Variants in LRRK1 observed in about 807,000 individuals in gnomAD.
The protein encoded by LRRK1 is leucine-rich repeat serine/threonine-protein kinase 1.
In LRRK1, 113 loss-of-function variants were observed where a neutral mutation model predicts 209.1. The observed-to-expected ratio is 0.54, with a 90% CI of 0.46 to 0.63. The LOEUF (loss-of-function observed/expected upper bound fraction) is 0.63, where lower values mean the gene tolerates loss of function less well. Ranked by LOEUF, LRRK1 falls within the 30% of genes least tolerant of loss-of-function variation. The pLI is 0.00. For synonymous variants in LRRK1, 1,144 were observed against 1,099.7 expected (o/e 1.04, Z -0.80); for missense variants, 2,284 against 2,632.2 (o/e 0.87, Z 2.89).
chr15:101,027,598 T>C lies in LRRK1; in HGVS notation c.2527-40T>C. 18 of 1,596,882 alleles carry C rather than the reference T, an allele frequency of 1.1e-5. No homozygotes were observed. Among genetic ancestry groups the C allele is most frequent in the Non-Finnish European group, 1.4e-5 (17 of 1,173,070 alleles). ...TCTGCCCAAGCTGGCAGGTGTGCCT[T>C]GGGACCTGAGAGACCCTGCCTCGCC... On this transcript the variant is annotated intron_variant, in intron 18 of 33. Transcript: ENST00000388948. This position sits in a 1 kb window ranked among gnomAD's most constrained non-coding sequence, Gnocchi z 5.1.
chr15:100,985,341 CCTAATGTTAG>C (rs1360757234), intron 4 of LRRK1, among the ~76,000 whole-genome samples: 1 of 152,166 alleles, frequency 6.6e-6, no homozygotes, highest in African/African-American at 2.4e-5. Flanking sequence ...GACTCCGTCA[CCTAATGTTAG>C]CTAATATTTA....
intron 2 of LRRK1, among the ~76,000 whole-genome samples, chr15:100,936,217 T>G (rs982934024): frequency 1.1e-4 from 16 of 152,236 alleles, no homozygotes; most frequent in African/African-American, 3.9e-4. Flanking sequence ...GAAAATATTT[T>G]AAGAAGTCAA....
intron 6 of LRRK1, among the ~76,000 whole-genome samples, chr15:101,002,233 A>G (rs2032729335): frequency 6.6e-6 from 1 of 152,362 alleles, no homozygotes; most frequent in East Asian, 1.9e-4. Context: ...GAAGGTGTCT[A>G]GCACCCTCCT....
chr15:101,035,667 T>C (rs529039911), intron 20 of LRRK1, among the ~76,000 whole-genome samples: 216 of 152,300 alleles, frequency 1.4e-3, no homozygotes, highest in African/African-American at 5.0e-3. Flanking sequence ...TATTAATATG[T>C]GAGGTTTTGT....
rs910829045 is a variant in LRRK1, at chr15:101,072,070, G to C, written c.*3222G>C. On this transcript the variant is annotated 3_prime_UTR_variant, in exon 34 of 34. Coordinates refer to ENST00000388948, the MANE Select transcript of LRRK1 (RefSeq NM_024652.6). ...CCGCGGAAGCTCCTGGCAGTTTTAA[G>C]CAGGATTATTAGATGATTCAGTCAA... 2 of 152,192 alleles carry C rather than the reference G, an allele frequency of 1.3e-5. No individual in the cohort carries two copies. The highest frequency in any genetic ancestry group is 4.8e-5 in the African/African-American group (2 of 41,448). The allele number at this position is 152,192 out of a possible 1,614,324, so 9.4% of individuals were successfully genotyped here. A position where few individuals can be genotyped will look rare whatever the true frequency, so the allele number is the denominator to read the frequency against.
intron 2 of LRRK1, among the ~76,000 whole-genome samples, chr15:100,970,938 C>T (rs766322354): frequency 2.0e-5 from 3 of 152,124 alleles, no homozygotes; most frequent in Admixed American, 6.5e-5. Flanking sequence ...TTTATACTAT[C>T]ATAAACTATT....
rs142795183 is a variant in LRRK1 at position 101,024,517 on chromosome 15, A to T, written c.2068-286A>T. ...TCCTCCCACAGGGCATCCCCTACCC[A>T]TCTGCAGCCCAGACAGAGCCAGGCC... On this transcript the variant is annotated intron_variant, in intron 15 of 33. Coordinates refer to ENST00000388948, the MANE Select transcript of LRRK1 (RefSeq NM_024652.6). The surrounding 1 kb of genome is among the most constrained non-coding windows in gnomAD (Gnocchi z 4.6). 6.6e-6 allele frequency among the ~76,000 whole-genome samples: 1 copy of T among 152,200 alleles called. No individual in the cohort carries two copies. Among genetic ancestry groups the T allele is most frequent in the East Asian group, 1.9e-4 (1 of 5,168 alleles).
intron 19 of LRRK1, 142 bp from the exon 20 acceptor site, chr15:101,028,814 C>T: frequency 1.1e-6 from 1 of 935,492 alleles, no homozygotes; most frequent in Admixed American, 2.3e-5. Flanking sequence ...GCCAGCCCAC[C>T]TGAAGGGTCC....
At chr15:101,041,775 C>T (rs1037070476) in intron 20 of LRRK1, among the ~76,000 whole-genome samples, 8 of 152,122 alleles carry the variant, frequency 5.3e-5, no homozygotes, top group African/African-American at 1.9e-4. Flanking sequence ...AGTATTGAGC[C>T]CTACATATAC....
chr15:100,974,598 C>T (rs78864902), intron 3 of LRRK1, among the ~76,000 whole-genome samples: 5,346 of 152,234 alleles, frequency 0.035, 321 homozygotes, highest in African/African-American at 0.12. Flanking sequence ...CTAGAGGGAC[C>T]GTGTCTACCT....
intron 2 of LRRK1, among the ~76,000 whole-genome samples, chr15:100,954,939 G>A (rs993400750): frequency 6.6e-6 from 1 of 152,200 alleles, no homozygotes; most frequent in Non-Finnish European, 1.5e-5. Context: ...ATCAGGAAGT[G>A]TGATGCTTCT....
intron 20 of LRRK1, 95 bp from the exon 21 acceptor site, chr15:101,045,886 A>C (rs1329903548): frequency 8.4e-6 from 9 of 1,066,974 alleles, no homozygotes; most frequent in Non-Finnish European, 1.1e-5. Context: ...GTGTTCCAGC[A>C]CAGCCTGTCC....
chr15:100,963,993 C>G (rs2030280684), intron 2 of LRRK1, among the ~76,000 whole-genome samples: 1 of 152,178 alleles, frequency 6.6e-6, no homozygotes, highest in African/African-American at 2.4e-5. Context: ...ATCCATCTCC[C>G]TCTTATTAAC....
Position 101,072,401 on chromosome 15 carries a change from G to A in LRRK1, c.*3553G>A, listed in dbSNP as rs2036837805. 1 of 152,230 alleles carries A rather than the reference G, an allele frequency of 6.6e-6. No homozygotes were observed. Among genetic ancestry groups the A allele is most frequent in the African/African-American group, 2.4e-5 (1 of 41,452 alleles). The allele number at this position is 152,230 out of a possible 1,614,324, so 9.4% of individuals were successfully genotyped here. ...GTGCCATCCTCTGCAGCCTGTCAAA[G>A]AGGCAGGCAGCACTAACTGCTGGAC... is the stretch of plus-strand genomic sequence containing the variant. On this transcript the variant is annotated 3_prime_UTR_variant, in exon 34 of 34. Transcript: ENST00000388948.
chr15:100,931,000 A>T (rs1311952955), intron 2 of LRRK1, among the ~76,000 whole-genome samples: 1 of 152,222 alleles, frequency 6.6e-6, no homozygotes, highest in Non-Finnish European at 1.5e-5. Flanking sequence ...TTCACTATTC[A>T]GGCCACCCTT....
intron 3 of LRRK1, 73 bp from the exon 4 acceptor site, chr15:100,983,455 G>GC: frequency 7.2e-7 from 1 of 1,396,428 alleles, no homozygotes; most frequent in Non-Finnish European, 9.7e-7. Context: ...ACCTGGTGAA[G>GC]GGTTTAACGT....
chr15:100,933,545 C>T (rs2042245461), intron 2 of LRRK1, among the ~76,000 whole-genome samples: 1 of 151,882 alleles, frequency 6.6e-6, no homozygotes, highest in Admixed American at 6.6e-5. Flanking sequence ...AACTTTTGAC[C>T]AGGTCCAGTA....
intron 3 of LRRK1, among the ~76,000 whole-genome samples, chr15:100,980,052 T>A (rs1299626589): frequency 6.6e-6 from 1 of 152,318 alleles, no homozygotes; most frequent in East Asian, 1.9e-4. Flanking sequence ...AATACACTTA[T>A]GAACCAGCAA....
chr15:101,007,993 A>T (rs575438684), intron 6 of LRRK1, among the ~76,000 whole-genome samples: 1 of 152,016 alleles, frequency 6.6e-6, no homozygotes, highest in Non-Finnish European at 1.5e-5. Context: ...ACCGTCTCTA[A>T]TAAAAACACA....
Sources: allele counts gnomAD v4.1 joint callset (sites outside exome capture counted in the v4.1 genomes callset), GRCh38; gene constraint gnomAD v4.1.1; non-coding constraint Gnocchi (gnomAD v3.1); transcripts MANE v1.5; gene names NCBI Gene and HGNC (gene_info 2026-07-23, HGNC 2026-07-21).